RUFY4: variants seen among roughly 807,000 people sequenced by gnomAD.
The protein encoded by RUFY4 is RUN and FYVE domain containing 4.
RUFY4 carries 73 observed loss-of-function variants against 69.0 expected under a neutral mutation model. The observed-to-expected ratio is 1.06, with a 90% CI of 0.88 to 1.29. The LOEUF is 1.29. Ranked by LOEUF, RUFY4 falls within the 50% of genes most tolerant of loss-of-function variation. The pLI, the probability that RUFY4 is intolerant of heterozygous loss-of-function variation, is 0.00. For synonymous variants in RUFY4, 287 were observed against 271.8 expected (o/e 1.06, Z -0.55); for missense variants, 770 against 705.6 (o/e 1.09, Z -1.03).
intron 2 of RUFY4, among the ~76,000 whole-genome samples, chr2:218,044,794 G>A (rs952338921): frequency 6.6e-6 from 1 of 152,196 alleles, no homozygotes; most frequent in Non-Finnish European, 1.5e-5. Flanking sequence ...TGGCTGCATA[G>A]TATTCCATGG....
At chr2:218,041,638 T>C (rs1688699476) in intron 2 of RUFY4, among the ~76,000 whole-genome samples, 1 of 152,174 alleles carries the variant, frequency 6.6e-6, no homozygotes, top group Admixed American at 6.5e-5. Flanking sequence ...CTTTATTTGG[T>C]CTATCCTGTT....
At chr2:218,082,652 G>A (rs1039905296) in intron 8 of RUFY4, among the ~76,000 whole-genome samples, 7 of 151,964 alleles carry the variant, frequency 4.6e-5, no homozygotes, top group African/African-American at 1.7e-4. Context: ...TGTGCATGTT[G>A]TGTTGTGTGT....
rs138245751 is a variant in RUFY4 at position 218,043,504 on chromosome 2, C to T, written c.-1158+8110C>T. On this transcript the variant is annotated intron_variant and NMD_transcript_variant, in intron 2 of 13. Transcript: ENST00000457754. ...CAGCTCTCAGCAGAGAGAGTAGGTC[C>T]TCTCTGCAGCTGGTCAACCCAACTT... 3.9e-3 allele frequency among the ~76,000 whole-genome samples: 592 copies of T among 152,130 alleles called. 1 individual carries two copies. The highest frequency in any genetic ancestry group is 0.012 in the African/African-American group (501 of 41,492).
upstream of RUFY4, among the ~76,000 whole-genome samples, chr2:218,066,837 AT>A (rs1428858015): frequency 6.6e-6 from 1 of 152,250 alleles, no homozygotes; most frequent in Non-Finnish European, 1.5e-5. Flanking sequence ...CGTCTTCATA[AT>A]GTCTTTCAAA....
At chr2:218,050,220 G>T (rs1372520487) in intron 2 of RUFY4, among the ~76,000 whole-genome samples, 1 of 152,168 alleles carries the variant, frequency 6.6e-6, no homozygotes, top group Non-Finnish European at 1.5e-5. Context: ...GTCCGCTCCT[G>T]CAGCTGAGAG....
At chr2:218,076,872 C>T (rs965031757) in intron 8 of RUFY4, among the ~76,000 whole-genome samples, 1 of 152,230 alleles carries the variant, frequency 6.6e-6, no homozygotes, top group African/African-American at 2.4e-5. Context: ...TGCCTCCCTA[C>T]TCCACTGGAC....
At chr2:218,050,640 T>A (rs994819355) in intron 2 of RUFY4, among the ~76,000 whole-genome samples, 26 of 152,204 alleles carry the variant, frequency 1.7e-4, no homozygotes, top group African/African-American at 6.3e-4. Flanking sequence ...GATATTCACA[T>A]CTTTCTCTGT....
At chr2:218,082,428 G>A (rs1042294015) in intron 8 of RUFY4, among the ~76,000 whole-genome samples, 1 of 152,058 alleles carries the variant, frequency 6.6e-6, no homozygotes, top group Non-Finnish European at 1.5e-5. Context: ...TTTCAAGAAA[G>A]TTACATCTTA....
chr2:218,076,919 T>A (rs1486927982), intron 8 of RUFY4, among the ~76,000 whole-genome samples: 1 of 152,216 alleles, frequency 6.6e-6, no homozygotes, highest in Non-Finnish European at 1.5e-5. Flanking sequence ...CCTTTTTTAC[T>A]CAGTTTCTTT....
At chr2:218,043,349 T>A (rs908405424) in intron 2 of RUFY4, among the ~76,000 whole-genome samples, 1 of 152,128 alleles carries the variant, frequency 6.6e-6, no homozygotes. Flanking sequence ...CATCCAGTAG[T>A]CTGCAGCTCT....
exon 7 of RUFY4, chr2:218,075,221 G>C: frequency 6.4e-7 from 1 of 1,563,276 alleles, no homozygotes; most frequent in Non-Finnish European, 8.7e-7. Context: ...AGCAACAAAG[G>C]CATCTTCCTT....
intron 2 of RUFY4, among the ~76,000 whole-genome samples, chr2:218,072,083 C>T (rs1689501802): frequency 6.6e-6 from 1 of 152,168 alleles, no homozygotes. Flanking sequence ...GATGTAAGTT[C>T]CATGAAGTCA....
At chr2:218,058,747 G>A (rs1689119693) in intron 3 of RUFY4, 1 of 152,298 alleles carries the variant, frequency 6.6e-6, no homozygotes, top group Non-Finnish European at 1.5e-5. Flanking sequence ...GAGAGAGAGG[G>A]AGGGACACTC....
chr2:218,085,808 T>G (rs1689879988), intron 9 of RUFY4, among the ~76,000 whole-genome samples: 1 of 152,214 alleles, frequency 6.6e-6, no homozygotes, highest in African/African-American at 2.4e-5. Context: ...GGCATTTGGG[T>G]GTCTGGTTGT....
At chr2:218,052,201 T>A (rs1259257341) in intron 2 of RUFY4, among the ~76,000 whole-genome samples, 1 of 152,212 alleles carries the variant, frequency 6.6e-6, no homozygotes, top group East Asian at 1.9e-4. Context: ...AGCTTTTTCT[T>A]TTTTTATTTC....
chr2:218,066,117 G>A (rs1489832989), upstream of RUFY4, among the ~76,000 whole-genome samples: 1 of 145,860 alleles, frequency 6.9e-6, no homozygotes, highest in East Asian at 2.1e-4. Flanking sequence ...GGTGGGGAAG[G>A]ATGGTTGCTG....
At chr2:218,088,774 C>T (rs780056349) in intron 9 of RUFY4, among the ~76,000 whole-genome samples, 6 of 152,226 alleles carry the variant, frequency 3.9e-5, no homozygotes, top group Middle Eastern at 3.4e-3. Flanking sequence ...TCTCTGGCCC[C>T]TATGTCTCTT....
At chr2:218,040,982 A>G (rs939565930) in intron 2 of RUFY4, among the ~76,000 whole-genome samples, 2 of 151,870 alleles carry the variant, frequency 1.3e-5, no homozygotes, top group African/African-American at 4.8e-5. Flanking sequence ...CAATCTGAAT[A>G]GCTTTCCAAA....
chr2:218,060,315 G>A (rs1040480777), intron 3 of RUFY4: 48 of 1,510,668 alleles, frequency 3.2e-5, no homozygotes, highest in Middle Eastern at 3.7e-4. Flanking sequence ...GGAACCCCAC[G>A]GGACTGCACT....
Sources: gnomAD v4.1 joint callset for allele counts (sites outside exome capture counted in the v4.1 genomes callset) on GRCh38, gnomAD v4.1.1 for gene constraint, MANE v1.5 for transcripts, NCBI Gene and HGNC (gene_info 2026-07-23, HGNC 2026-07-21) for gene names.